Variants in SGCZ observed in about 807,000 individuals in gnomAD.
SGCZ encodes zeta-sarcoglycan.
SGCZ carries 40 observed loss-of-function variants against 41.3 expected under a neutral mutation model. The ratio of observed to expected loss-of-function variants is 0.97; its 90% CI spans 0.75 to 1.26. The LOEUF is 1.26. Ranked by LOEUF, SGCZ falls within the 50% of genes most tolerant of loss-of-function variation. The pLI, the probability that SGCZ is intolerant of heterozygous loss-of-function variation, is 0.00. For synonymous variants in SGCZ, 206 were observed against 137.5 expected (o/e 1.50, Z -3.49); for missense variants, 552 against 369.8 (o/e 1.49, Z -4.04).
At chr8:14,272,293 T>A (rs1051386701) in intron 3 of SGCZ, among the ~76,000 whole-genome samples, 2 of 152,168 alleles carry the variant, frequency 1.3e-5, no homozygotes, top group Non-Finnish European at 2.9e-5. Flanking sequence ...CGTAAGCCAC[T>A]GCACCCGACC....
At chr8:14,175,851 A>G (rs1804527110) in intron 4 of SGCZ, among the ~76,000 whole-genome samples, 1 of 152,132 alleles carries the variant, frequency 6.6e-6, no homozygotes, top group African/African-American at 2.4e-5. Context: ...CTAAAACATA[A>G]AATTCAAAAA....
intron 1 of SGCZ, among the ~76,000 whole-genome samples, chr8:15,010,600 C>T (rs1472427083): frequency 2.0e-5 from 3 of 152,146 alleles, no homozygotes; most frequent in Non-Finnish European, 4.4e-5. Context: ...ATGGCCACAA[C>T]CACATGAGGG....
At chr8:14,993,793 C>G (rs147739906) in intron 1 of SGCZ, among the ~76,000 whole-genome samples, 1 of 152,118 alleles carries the variant, frequency 6.6e-6, no homozygotes, top group African/African-American at 2.4e-5. Flanking sequence ...TGTTAACAGA[C>G]GCAAGATAAG....
chr8:14,343,391 T>C (rs1026706264), intron 2 of SGCZ, among the ~76,000 whole-genome samples: 1 of 152,148 alleles, frequency 6.6e-6, no homozygotes, highest in Admixed American at 6.5e-5. Flanking sequence ...CACCAGCCTG[T>C]AACATTTAAT....
At chr8:14,319,635 C>G (rs990251754) in intron 3 of SGCZ, 1 of 151,930 alleles carries the variant, frequency 6.6e-6, no homozygotes. Flanking sequence ...TAAAGAAGAC[C>G]ACAGACGATG....
At chr8:14,257,719 G>A (rs938436460) in intron 3 of SGCZ, among the ~76,000 whole-genome samples, 3 of 151,032 alleles carry the variant, frequency 2.0e-5, no homozygotes, top group African/African-American at 4.9e-5. Context: ...ACCTATGAGT[G>A]AGAACATGTG....
rs559650278 is a variant in SGCZ, at chr8:14,616,419, G to A, written c.40-61493C>T. Among the ~76,000 whole-genome samples, 9 of 152,092 alleles carry A rather than the reference G, an allele frequency of 5.9e-5. No homozygotes were observed. In the East Asian group the frequency reaches 1.4e-3, roughly 23 times the overall value. On this transcript the variant is annotated intron_variant, in intron 1 of 7. Coordinates refer to ENST00000382080, the MANE Select transcript of SGCZ (RefSeq NM_139167.4). ...TCTCTAAAGCTTAAGCTTCCCGAAAGCCTATAATTACTCTATTTTTGTATT... is the reference window on the plus strand; with the variant it reads ...TCTCTAAAGCTTAAGCTTCCCGAAAACCTATAATTACTCTATTTTTGTATT...
At chr8:14,095,669 A>G (rs533156610) in intron 7 of SGCZ, among the ~76,000 whole-genome samples, 2 of 152,250 alleles carry the variant, frequency 1.3e-5, no homozygotes, top group South Asian at 2.1e-4. Context: ...TGGGGATAGC[A>G]TTGAATCTAT....
chr8:14,283,904 T>C (rs143774201), intron 3 of SGCZ, among the ~76,000 whole-genome samples: 2 of 152,356 alleles, frequency 1.3e-5, no homozygotes, highest in East Asian at 1.9e-4. Flanking sequence ...TAAGAAACTT[T>C]TGTAGAATTT....
At chr8:14,269,610 T>C (rs1799995264) in intron 3 of SGCZ, among the ~76,000 whole-genome samples, 1 of 152,124 alleles carries the variant, frequency 6.6e-6, no homozygotes, top group African/African-American at 2.4e-5. Context: ...CCAGATTGCC[T>C]TTGGGTCATT....
chr8:14,476,658 C>G (rs998963819), intron 2 of SGCZ, among the ~76,000 whole-genome samples: 3 of 152,088 alleles, frequency 2.0e-5, no homozygotes, highest in Non-Finnish European at 4.4e-5. Flanking sequence ...GTTTCAAATT[C>G]TACCCAAGTC....
At chr8:15,134,892 G>A (rs1808050289) in intron 1 of SGCZ, among the ~76,000 whole-genome samples, 1 of 152,156 alleles carries the variant, frequency 6.6e-6, no homozygotes, top group Non-Finnish European at 1.5e-5. Flanking sequence ...ACGTTTGAAT[G>A]TTAAACAGTT....
At chr8:14,971,543 G>C (rs1801297331) in intron 1 of SGCZ, among the ~76,000 whole-genome samples, 3 of 149,546 alleles carry the variant, frequency 2.0e-5, no homozygotes, top group African/African-American at 4.9e-5. Flanking sequence ...TCTTTATTTT[G>C]TTAATATACT....
chr8:15,237,487 A>T, intron 1 of SGCZ, 98 bp downstream of exon 1: 2 of 1,429,302 alleles, frequency 1.4e-6, no homozygotes, highest in Non-Finnish European at 1.9e-6. Flanking sequence ...CCGCGGGACC[A>T]CCAACTACTC....
At chr8:14,254,800 T>C (rs565612493) in intron 3 of SGCZ, among the ~76,000 whole-genome samples, 5 of 152,272 alleles carry the variant, frequency 3.3e-5, no homozygotes, top group Admixed American at 2.0e-4. Flanking sequence ...TTATTCTAAA[T>C]GTGAGTGATC....
chr8:15,116,101 G>C (rs191804380), intron 1 of SGCZ, among the ~76,000 whole-genome samples: 27 of 152,216 alleles, frequency 1.8e-4, no homozygotes, highest in Non-Finnish European at 1.3e-4. Flanking sequence ...ACAAAAACTG[G>C]TGTGGTCAGA....
chr8:14,913,273 T>C (rs991468307), intron 1 of SGCZ, among the ~76,000 whole-genome samples: 2 of 152,104 alleles, frequency 1.3e-5, no homozygotes, highest in African/African-American at 4.8e-5. Flanking sequence ...TAAATGCAGA[T>C]AATGTGTAGA....
chr8:14,551,496 TATTATA>T (rs1803826777), intron 2 of SGCZ, among the ~76,000 whole-genome samples: 2 of 2,008 alleles, frequency 1.0e-3, no homozygotes, highest in Non-Finnish European at 1.9e-3. Flanking sequence ...ATATTATATA[TATTATA>T]TATATTATAT....
intron 1 of SGCZ, among the ~76,000 whole-genome samples, chr8:14,712,162 G>C (rs751621427): frequency 1.3e-5 from 2 of 152,118 alleles, no homozygotes; most frequent in Non-Finnish European, 2.9e-5. Flanking sequence ...CCCCTAACTA[G>C]AAACTTTAAG....
Sources: gnomAD v4.1 joint callset for allele counts (sites outside exome capture counted in the v4.1 genomes callset) on GRCh38, gnomAD v4.1.1 for gene constraint, MANE v1.5 for transcripts, NCBI Gene and HGNC (gene_info 2026-07-23, HGNC 2026-07-21) for gene names.